Variants in DSCAM observed in about 807,000 individuals in gnomAD.
DSCAM encodes cell adhesion molecule DSCAM.
In DSCAM, 47 loss-of-function variants were observed where a neutral mutation model predicts 217.7. The ratio of observed to expected loss-of-function variants is 0.22; its 90% CI spans 0.17 to 0.28. The LOEUF (loss-of-function observed/expected upper bound fraction) is 0.28. Ranked by LOEUF, DSCAM falls within the 10% of genes least tolerant of loss-of-function variation. The pLI is 1.00. For missense variants in DSCAM, 2,080 were observed against 2,618.3 expected (o/e 0.79, Z 4.49); for synonymous variants, 1,056 against 1,015.3 (o/e 1.04, Z -0.76).
At chr21:40,589,294 T>G (rs1033447689) in intron 3 of DSCAM, among the ~76,000 whole-genome samples, 3 of 152,116 alleles carry the variant, frequency 2.0e-5, no homozygotes, top group African/African-American at 7.2e-5. Flanking sequence ...ACTAATAAAT[T>G]AGTTCGGGCA....
chr21:40,085,229 C>A (rs904246287), intron 23 of DSCAM, among the ~76,000 whole-genome samples: 2 of 152,128 alleles, frequency 1.3e-5, no homozygotes, highest in South Asian at 2.1e-4. Flanking sequence ...ACAAAAAAGA[C>A]CACAATTCAG....
intron 8 of DSCAM, among the ~76,000 whole-genome samples, chr21:40,312,936 G>T (rs1328399244): frequency 6.6e-6 from 1 of 151,760 alleles, no homozygotes; most frequent in Non-Finnish European, 1.5e-5. Flanking sequence ...AACATAACGG[G>T]ACCCCCATAT....
chr21:40,169,085 A>C (rs2090628164), intron 15 of DSCAM, among the ~76,000 whole-genome samples: 1 of 152,162 alleles, frequency 6.6e-6, no homozygotes, highest in South Asian at 2.1e-4. Context: ...AGGAATAATG[A>C]ATGTCCTGGC....
chr21:40,411,900 T>C (rs367610569), intron 3 of DSCAM, among the ~76,000 whole-genome samples: 16 of 152,308 alleles, frequency 1.1e-4, no homozygotes, highest in South Asian at 6.2e-4. Flanking sequence ...AATCTCATCT[T>C]GTAGCTCCCA....
intron 3 of DSCAM, among the ~76,000 whole-genome samples, chr21:40,469,300 T>C (rs1478321285): frequency 6.6e-6 from 1 of 152,118 alleles, no homozygotes; most frequent in African/African-American, 2.4e-5. Flanking sequence ...ATGGATGGTA[T>C]GTCCCGCTGA....
chr21:40,703,270 CT>C (rs1160704560), intron 2 of DSCAM, among the ~76,000 whole-genome samples: 6 of 152,178 alleles, frequency 3.9e-5, no homozygotes, highest in African/African-American at 1.4e-4. Flanking sequence ...AATCCTAGCA[CT>C]TTGGGAGGCC....
intron 3 of DSCAM, among the ~76,000 whole-genome samples, chr21:40,633,190 C>A (rs768687916): frequency 2.0e-5 from 3 of 152,200 alleles, no homozygotes; most frequent in Non-Finnish European, 4.4e-5. Flanking sequence ...TTCATCGATT[C>A]CAACCAATGT....
intron 11 of DSCAM, among the ~76,000 whole-genome samples, chr21:40,266,304 G>A (rs559538856): frequency 3.9e-5 from 6 of 151,954 alleles, no homozygotes; most frequent in African/African-American, 1.4e-4. Flanking sequence ...AATGAGATAC[G>A]ACCTTCCCCT....
chr21:40,633,815 G>T (rs1185956364), intron 3 of DSCAM, among the ~76,000 whole-genome samples: 1 of 152,202 alleles, frequency 6.6e-6, no homozygotes, highest in South Asian at 2.1e-4. Flanking sequence ...GCTTGGATGT[G>T]TGTAACTTGG....
intron 3 of DSCAM, among the ~76,000 whole-genome samples, chr21:40,420,055 CA>C (rs951281954): frequency 4.0e-5 from 6 of 151,762 alleles, no homozygotes; most frequent in African/African-American, 1.5e-4. Flanking sequence ...TATAATAAAA[CA>C]AAAAAATTAG....
Position 40,789,134 on chromosome 21 carries a change from T to C in DSCAM, c.43+57485A>G, listed in dbSNP as rs184355550. ...TTGGGAGAATCAGAATATTGCATAC[T>C]CACCTGTTGGAAGGGTGCCGATAGA... On this transcript the variant is annotated intron_variant, in intron 1 of 32. Coordinates refer to ENST00000400454, the MANE Select transcript of DSCAM (RefSeq NM_001389.5). 4.6e-5 allele frequency among the ~76,000 whole-genome samples: 7 copies of C among 152,168 alleles called. 1 individual carries two copies. The highest frequency in any genetic ancestry group is 4.6e-4 in the Admixed American group (7 of 15,284).
intron 11 of DSCAM, among the ~76,000 whole-genome samples, chr21:40,189,582 T>C (rs963325345): frequency 6.6e-6 from 1 of 152,180 alleles, no homozygotes; most frequent in Admixed American, 6.5e-5. Context: ...TGTATGCCCA[T>C]AATTCATTCC....
chr21:40,654,741 C>T (rs2090054462), intron 3 of DSCAM, among the ~76,000 whole-genome samples: 2 of 152,328 alleles, frequency 1.3e-5, no homozygotes, highest in South Asian at 4.1e-4. Context: ...TCTCCTGACT[C>T]TGACTTTCAC....
intron 3 of DSCAM, among the ~76,000 whole-genome samples, chr21:40,500,708 A>G (rs1364009166): frequency 1.3e-5 from 2 of 152,226 alleles, no homozygotes; most frequent in Non-Finnish European, 2.9e-5. Context: ...CATCTTCCCT[A>G]GGCATGGAGG....
intron 1 of DSCAM, among the ~76,000 whole-genome samples, chr21:40,715,337 C>T (rs1357311325): frequency 6.6e-6 from 1 of 152,174 alleles, no homozygotes; most frequent in Non-Finnish European, 1.5e-5. Context: ...AAACATCCAT[C>T]GTTTTTCTCT....
rs1275385590 is a variant in DSCAM, at chr21:40,052,735, A to G, written c.5036-628T>C. 2.6e-5 allele frequency among the ~76,000 whole-genome samples: 4 copies of G among 152,202 alleles called. No homozygotes were observed. In the East Asian group the frequency reaches 7.7e-4, roughly 29 times the overall value. On this transcript the variant is annotated intron_variant, in intron 29 of 32. Transcript: ENST00000400454. The stretch of plus-strand genomic sequence containing the variant: ...AAGCTTTAAGCACTCTAGAACATCC[A>G]TTAACTGACTTCTCCTACATGATTC...
intron 20 of DSCAM, among the ~76,000 whole-genome samples, chr21:40,119,820 G>A (rs1188087848): frequency 1.3e-5 from 2 of 152,060 alleles, no homozygotes; most frequent in Non-Finnish European, 2.9e-5. Context: ...CCGTGTGAGA[G>A]AGGAAGAATG....
chr21:40,131,034 T>G (rs558608670), intron 19 of DSCAM, among the ~76,000 whole-genome samples: 1 of 152,234 alleles, frequency 6.6e-6, no homozygotes, highest in Non-Finnish European at 1.5e-5. Flanking sequence ...GAGCCTAAAA[T>G]AGTATCTTAT....
At chr21:40,323,476 A>C (rs77877362) in intron 8 of DSCAM, among the ~76,000 whole-genome samples, 3,734 of 152,282 alleles carry the variant, frequency 0.025, 178 homozygotes, top group East Asian at 0.23. Flanking sequence ...ACATGATGAA[A>C]AGTATCTTGT....
Sources: gnomAD v4.1 joint callset for allele counts (sites outside exome capture counted in the v4.1 genomes callset) on GRCh38, gnomAD v4.1.1 for gene constraint, MANE v1.5 for transcripts, NCBI Gene and HGNC (gene_info 2026-07-23, HGNC 2026-07-21) for gene names.